Variants in WWOX observed in about 807,000 individuals in gnomAD.
WWOX encodes the protein WW domain-containing oxidoreductase.
In WWOX, 69 loss-of-function variants were observed where a neutral mutation model predicts 46.2. That is an observed-to-expected ratio of 1.49 (90% CI 1.23 to 1.82). The LOEUF (loss-of-function observed/expected upper bound fraction) is 1.82. Among genes scored for constraint, WWOX ranks in the 40% most tolerant of loss-of-function variants. WWOX has a pLI of 0.00. For synonymous variants in WWOX, 359 were observed against 202.6 expected, an observed-to-expected ratio of 1.77 and a Z score of -6.56; for missense variants, 919 against 542.6, an observed-to-expected ratio of 1.69 and a Z score of -6.89.
chr16:78,276,731 A>G (rs1265520189), intron 5 of WWOX, among the ~76,000 whole-genome samples: 5 of 152,180 alleles, frequency 3.3e-5, no homozygotes, highest in Admixed American at 2.0e-4. Context: ...TTAAAAATAA[A>G]ATCTGTTGCT....
chr16:78,542,261 T>G (rs560276899), intron 8 of WWOX, among the ~76,000 whole-genome samples: 3 of 152,032 alleles, frequency 2.0e-5, no homozygotes, highest in Admixed American at 6.6e-5. Context: ...CTGGTGCCAT[T>G]TTCCTGACTG....
At chr16:78,842,229 C>G (rs908529851) in intron 8 of WWOX, among the ~76,000 whole-genome samples, 2 of 151,746 alleles carry the variant, frequency 1.3e-5, no homozygotes, top group Non-Finnish European at 2.9e-5. Context: ...TGCAGTGGCT[C>G]TCTCCTGTAA....
chr16:78,206,327 T>G (rs1184240699), intron 5 of WWOX, among the ~76,000 whole-genome samples: 2 of 152,200 alleles, frequency 1.3e-5, no homozygotes, highest in Admixed American at 6.5e-5. Flanking sequence ...AAAAGTATTT[T>G]GGTTGTTAAA....
At chr16:78,976,742 C>G (rs148681377) in intron 8 of WWOX, among the ~76,000 whole-genome samples, 4 of 152,190 alleles carry the variant, frequency 2.6e-5, no homozygotes, top group Non-Finnish European at 5.9e-5. Context: ...CTTCCCCACT[C>G]TAGGTCTTTT....
chr16:78,291,070 C>T (rs930174349), intron 5 of WWOX, among the ~76,000 whole-genome samples: 3 of 152,150 alleles, frequency 2.0e-5, no homozygotes, highest in East Asian at 1.9e-4. Context: ...TTACACAGTG[C>T]ACTTTCTCTC....
chr16:78,869,074 T>C (rs1242335755), intron 8 of WWOX, among the ~76,000 whole-genome samples: 1 of 152,228 alleles, frequency 6.6e-6, no homozygotes, highest in East Asian at 1.9e-4. Context: ...ATAACCACTG[T>C]ATGTTTATTT....
chr16:78,584,789 G>C (rs1371428681), intron 8 of WWOX, among the ~76,000 whole-genome samples: 1 of 152,214 alleles, frequency 6.6e-6, no homozygotes, highest in African/African-American at 2.4e-5. Context: ...CATTCATCTG[G>C]TGATGTGATC....
At chr16:79,151,496 C>T (rs7201082) in intron 8 of WWOX, among the ~76,000 whole-genome samples, 53,440 of 152,052 alleles carry the variant, frequency 0.35, 9,928 homozygotes, top group East Asian at 0.52. Flanking sequence ...GTAACCAATA[C>T]CGCTCCTTCT....
rs530582036 is a variant in WWOX, at chr16:79,002,565, C to T, written c.1057-209043C>T. On this transcript the variant is annotated intron_variant, in intron 8 of 8. Coordinates refer to ENST00000566780, the MANE Select transcript of WWOX (RefSeq NM_016373.4). ...CTAAACCTGATGACCCTTGCCATAG[C>T]AGAACTAAAGTGATGATGATGATTA... Among the ~76,000 whole-genome samples the T allele has an allele frequency of 9.2e-5, 14 of 152,310 alleles. No individual in the cohort carries two copies. In the South Asian group the frequency reaches 2.7e-3, roughly 29 times the overall value.
Position 78,399,586 on chromosome 16 carries a change from C to T in WWOX, c.605+12638C>T, listed in dbSNP as rs191837600. ...CTTTGACCTGCAGTGAGACCACCCA[C>T]GCAGACATCAATGCAGCAAATCCCC... On this transcript the variant is annotated intron_variant, in intron 6 of 8. Transcript: ENST00000566780. Among the ~76,000 whole-genome samples the T allele has an allele frequency of 3.2e-3, 483 of 152,286 alleles. 6 individuals are homozygous for T. The highest frequency in any genetic ancestry group is 0.011 in the African/African-American group (445 of 41,554).
At chr16:78,718,718 G>A (rs1037841614) in intron 8 of WWOX, among the ~76,000 whole-genome samples, 2 of 152,060 alleles carry the variant, frequency 1.3e-5, no homozygotes, top group East Asian at 1.9e-4. Flanking sequence ...GATAGCTTAG[G>A]AGAGTTCCAA....
intron 8 of WWOX, among the ~76,000 whole-genome samples, chr16:78,972,388 T>C (rs1469848963): frequency 6.6e-6 from 1 of 151,366 alleles, no homozygotes; most frequent in Non-Finnish European, 1.5e-5. Flanking sequence ...AGGATCTTAA[T>C]CAGACATTAT....
intron 5 of WWOX, among the ~76,000 whole-genome samples, chr16:78,374,392 A>C (rs2151924129): frequency 6.6e-6 from 1 of 152,214 alleles, no homozygotes; most frequent in South Asian, 2.1e-4. Flanking sequence ...GTGTTGTTTT[A>C]GTTGCTTCTT....
intron 8 of WWOX, among the ~76,000 whole-genome samples, chr16:78,529,489 T>C (rs1395504450): frequency 6.6e-6 from 1 of 152,118 alleles, no homozygotes; most frequent in Non-Finnish European, 1.5e-5. Flanking sequence ...TTTTTTGAGA[T>C]GGAGTCTTGC....
chr16:78,284,351 C>G (rs2079733633), intron 5 of WWOX, among the ~76,000 whole-genome samples: 1 of 152,200 alleles, frequency 6.6e-6, no homozygotes, highest in African/African-American at 2.4e-5. Context: ...ATTACCCCTT[C>G]AACACCTTAA....
At chr16:78,632,850 G>A (rs868834939) in intron 8 of WWOX, among the ~76,000 whole-genome samples, 7 of 151,948 alleles carry the variant, frequency 4.6e-5, no homozygotes, top group Non-Finnish European at 1.0e-4. Context: ...GAGCCACTGC[G>A]CCCGGCCTAC....
chr16:79,126,183 G>A (rs2049750250), intron 8 of WWOX, among the ~76,000 whole-genome samples: 1 of 152,058 alleles, frequency 6.6e-6, no homozygotes, highest in Admixed American at 6.5e-5. Flanking sequence ...GAAAGAGGAT[G>A]TGAGCTGAGG....
intron 5 of WWOX, among the ~76,000 whole-genome samples, chr16:78,321,394 GTATATATACGTATATATATA>G (rs2080477830): frequency 1.1e-5 from 1 of 88,112 alleles, no homozygotes; most frequent in Non-Finnish European, 2.0e-5. Context: ...ATATATATAC[GTATATATACGTATATATATA>G]TGTGTGTATA....
intron 5 of WWOX, among the ~76,000 whole-genome samples, chr16:78,213,617 A>G (rs2151790297): frequency 6.6e-6 from 1 of 152,088 alleles, no homozygotes; most frequent in Non-Finnish European, 1.5e-5. Context: ...GTGGAAAAGA[A>G]CTTACAGATT....
Sources: allele counts gnomAD v4.1 joint callset (sites outside exome capture counted in the v4.1 genomes callset), GRCh38; gene constraint gnomAD v4.1.1; transcripts MANE v1.5; gene names NCBI Gene and HGNC (gene_info 2026-07-23, HGNC 2026-07-21).